SLCO1A2: variants seen among roughly 807,000 people sequenced by gnomAD.
The protein encoded by SLCO1A2 is OATP-1.
Under a neutral mutation model 69.0 loss-of-function variants are expected in SLCO1A2, and 67 were observed. That is an observed-to-expected ratio of 0.97 (90% CI 0.80 to 1.19). The LOEUF (loss-of-function observed/expected upper bound fraction) is 1.19. SLCO1A2 is among the 50% of genes most tolerant of loss of function. SLCO1A2 has a pLI of 0.00. For missense variants in SLCO1A2, 787 were observed against 793.7 expected (o/e 0.99, Z 0.10); for synonymous variants, 260 against 265.9 (o/e 0.98, Z 0.22).
At chr12:21,347,501 C>A (rs1335672632) in intron 2 of SLCO1A2, among the ~76,000 whole-genome samples, 1 of 151,990 alleles carries the variant, frequency 6.6e-6, no homozygotes, top group Non-Finnish European at 1.5e-5. Flanking sequence ...CAAAAATTAG[C>A]CAGGCATGGT....
In SLCO1A2 at chr12:21,266,576, A is replaced by AT. The variant is rs1164055366; in HGVS notation, c.*2971dup. On this transcript the variant is annotated 3_prime_UTR_variant, in exon 15 of 15. Coordinates refer to ENST00000683939, the MANE Select transcript of SLCO1A2 (RefSeq NM_001386879.1). ...GGCACTATTTCCACCCACAGAAGTC[A>AT]TTCTGGTTCTGTCTCCATGTCTATA... is the stretch of plus-strand genomic sequence containing the variant. 2.6e-5 allele frequency: 4 copies of AT among 152,104 alleles called. No individual in the cohort carries two copies. Among genetic ancestry groups the AT allele is most frequent in the Non-Finnish European group, 4.4e-5 (3 of 68,014 alleles). 9.4% of individuals were successfully genotyped at this position (152,104 alleles called of 1,614,324 possible).
chr12:21,401,166 G>T (rs1276637916), intron 1 of SLCO1A2, among the ~76,000 whole-genome samples: 1 of 151,498 alleles, frequency 6.6e-6, no homozygotes, highest in Non-Finnish European at 1.5e-5. Context: ...CATAAATACA[G>T]TAAATTAAAA....
At chr12:21,329,655 C>G (rs1201687190) in intron 2 of SLCO1A2, among the ~76,000 whole-genome samples, 3 of 151,660 alleles carry the variant, frequency 2.0e-5, no homozygotes, top group Admixed American at 1.3e-4. Flanking sequence ...ACATGGCCAC[C>G]CTGGAGTCAA....
At chr12:21,307,456 A>T (rs1052628414) in intron 4 of SLCO1A2, among the ~76,000 whole-genome samples, 2 of 152,194 alleles carry the variant, frequency 1.3e-5, no homozygotes, top group African/African-American at 4.8e-5. Context: ...ACCGTACAAT[A>T]ACTCCTCCAT....
chr12:21,382,904 T>A (rs1293077353), intron 1 of SLCO1A2, among the ~76,000 whole-genome samples: 8 of 152,176 alleles, frequency 5.3e-5, no homozygotes, highest in Non-Finnish European at 8.8e-5. Flanking sequence ...CTCAGGTATA[T>A]TGACTCTGAA....
At chr12:21,307,083 A>G in intron 4 of SLCO1A2, 95 bp from the exon 5 acceptor site, 4 of 762,674 alleles carry the variant, frequency 5.2e-6, no homozygotes, top group Non-Finnish European at 8.6e-6. Context: ...CCCATACAAC[A>G]CAATATCCAA....
intron 14 of SLCO1A2, among the ~76,000 whole-genome samples, chr12:21,273,075 T>A (rs937439120): frequency 6.6e-6 from 1 of 152,168 alleles, no homozygotes; most frequent in Non-Finnish European, 1.5e-5. Flanking sequence ...CATGTTCAAG[T>A]TGATTTTCCT....
intron 1 of SLCO1A2, among the ~76,000 whole-genome samples, chr12:21,401,443 G>A (rs75784580): frequency 1.8e-3 from 274 of 151,712 alleles, no homozygotes; most frequent in African/African-American, 5.7e-3. Context: ...TATATTGAAG[G>A]TCATCTTGCA....
intron 4 of SLCO1A2, among the ~76,000 whole-genome samples, chr12:21,310,472 T>C (rs1418834972): frequency 3.3e-5 from 5 of 152,266 alleles, no homozygotes; most frequent in Non-Finnish European, 5.9e-5. Context: ...TGCTGGCTGA[T>C]CAGGGTAGCG....
Position 21,301,283 on chromosome 12 carries a change from A to T in SLCO1A2, c.590-14T>A. 1 of 1,573,266 alleles carries T rather than the reference A, an allele frequency of 6.4e-7. No individual in the cohort carries two copies. Among genetic ancestry groups the T allele is most frequent in the East Asian group, 2.2e-5 (1 of 44,474 alleles). On this transcript the variant is annotated splice_polypyrimidine_tract_variant and intron_variant, in intron 6 of 14. Transcript: ENST00000683939. ...TTTCTACAAGCCCTAAAAATAAATA[A>T]AAGTATAAGGTTATAGTACAGTTAT...
intron 8 of SLCO1A2, among the ~76,000 whole-genome samples, chr12:21,299,809 T>C (rs866797203): frequency 2.5e-5 from 3 of 119,296 alleles, no homozygotes; most frequent in East Asian, 4.7e-4. Context: ...CGTATATATA[T>C]ACACACACAC....
At chr12:21,301,049 A>T in intron 7 of SLCO1A2, 122 bp downstream of exon 7, 1 of 523,792 alleles carries the variant, frequency 1.9e-6, no homozygotes, top group Non-Finnish European at 3.2e-6. Context: ...AGAGTTTCTC[A>T]CTTTTAAAGT....
intron 2 of SLCO1A2, among the ~76,000 whole-genome samples, chr12:21,359,350 A>T (rs1591878028): frequency 6.6e-6 from 1 of 152,166 alleles, no homozygotes; most frequent in Non-Finnish European, 1.5e-5. Context: ...CAACTAAATT[A>T]TAAACCCTCT....
At chr12:21,315,760 C>T (rs61927778) in intron 3 of SLCO1A2, among the ~76,000 whole-genome samples, 16,320 of 152,168 alleles carry the variant, frequency 0.11, 1,020 homozygotes, top group Non-Finnish European at 0.15. Context: ...CAAGCCCATC[C>T]GTGTTACAGG....
chr12:21,347,585 C>A (rs200647770), intron 2 of SLCO1A2, among the ~76,000 whole-genome samples: 1 of 151,702 alleles, frequency 6.6e-6, no homozygotes, highest in Non-Finnish European at 1.5e-5. Context: ...GCGGAGGTTG[C>A]AGTGAGCGGA....
intron 2 of SLCO1A2, among the ~76,000 whole-genome samples, chr12:21,323,180 G>A (rs1037552520): frequency 1.3e-5 from 2 of 152,280 alleles, no homozygotes; most frequent in African/African-American, 2.4e-5. Flanking sequence ...TCTATGCATT[G>A]AGCTACTATA....
chr12:21,351,548 G>A (rs1015919968), intron 2 of SLCO1A2, among the ~76,000 whole-genome samples: 1 of 152,086 alleles, frequency 6.6e-6, no homozygotes, highest in Admixed American at 6.5e-5. Flanking sequence ...GGCCAAGGCG[G>A]GTGGATCACC....
At chr12:21,366,227 G>A (rs1235714709) in intron 2 of SLCO1A2, among the ~76,000 whole-genome samples, 1 of 152,084 alleles carries the variant, frequency 6.6e-6, no homozygotes, top group Non-Finnish European at 1.5e-5. Flanking sequence ...CCATAAAAAA[G>A]GATGAGTTCA....
At chr12:21,377,029 G>T (rs1940249296) in intron 1 of SLCO1A2, among the ~76,000 whole-genome samples, 1 of 151,992 alleles carries the variant, frequency 6.6e-6, no homozygotes, top group South Asian at 2.1e-4. Flanking sequence ...AATAGAGTTG[G>T]TATACAAATA....
Sources: gnomAD v4.1 joint callset for allele counts (sites outside exome capture counted in the v4.1 genomes callset) on GRCh38, gnomAD v4.1.1 for gene constraint, MANE v1.5 for transcripts, NCBI Gene and HGNC (gene_info 2026-07-23, HGNC 2026-07-21) for gene names.